Variants in GGACT observed in about 807,000 individuals in gnomAD.
GGACT encodes the protein gamma-glutamylamine cyclotransferase, also known as gamma-glutamylaminecyclotransferase.
For missense variants in GGACT, 241 were observed against 233.2 expected (o/e 1.03, Z -0.22); for synonymous variants, 118 against 115.3 (o/e 1.02, Z -0.15).
At chr13:100,580,614 A>C (rs1049571924) in intron 2 of GGACT, among the ~76,000 whole-genome samples, 2 of 152,242 alleles carry the variant, frequency 1.3e-5, no homozygotes, top group African/African-American at 4.8e-5. Flanking sequence ...AAATGAACAC[A>C]GTTACTAAGT....
At chr13:100,540,437 T>A (rs955901215) in intron 2 of GGACT, among the ~76,000 whole-genome samples, 2 of 152,234 alleles carry the variant, frequency 1.3e-5, no homozygotes, top group Admixed American at 6.5e-5. Flanking sequence ...CTTGGCCTTT[T>A]TATTTCTGCA....
intron 2 of GGACT, among the ~76,000 whole-genome samples, chr13:100,568,513 C>T (rs1448695369): frequency 6.6e-6 from 1 of 152,182 alleles, no homozygotes; most frequent in Non-Finnish European, 1.5e-5. Flanking sequence ...GAGAAACCAT[C>T]CCCCATGATT....
chr13:100,564,828 C>T lies in GGACT; in HGVS notation c.-11+18997G>A, dbSNP rs565818413. Among the ~76,000 whole-genome samples the T allele has an allele frequency of 6.0e-5, 9 of 150,840 alleles. No homozygotes were observed. The South Asian group carries it at 1.1e-3, about 18-fold the overall frequency. On this transcript the variant is annotated intron_variant, in intron 2 of 2. Transcript: ENST00000683975. ...AGTGCTCTATGCCCCGGGCAGGGGG[C>T]GGGGGGGCTGGGCCTGAACCCAGCA... is the stretch of plus-strand genomic sequence containing the variant.
At chr13:100,568,519 T>A (rs940633845) in intron 2 of GGACT, among the ~76,000 whole-genome samples, 2 of 152,200 alleles carry the variant, frequency 1.3e-5, no homozygotes, top group African/African-American at 4.8e-5. Flanking sequence ...CCATCCCCCA[T>A]GATTCAATTA....
intron 2 of GGACT, among the ~76,000 whole-genome samples, chr13:100,573,708 A>C (rs939624960): frequency 2.6e-5 from 4 of 152,154 alleles, no homozygotes; most frequent in Non-Finnish European, 4.4e-5. Context: ...CAAGCAAAAA[A>C]CAAATAAACC....
intron 2 of GGACT, among the ~76,000 whole-genome samples, chr13:100,552,462 G>A (rs2088673557): frequency 1.3e-5 from 2 of 152,316 alleles, no homozygotes; most frequent in African/African-American, 4.8e-5. Context: ...AGAAGAGACT[G>A]AAGCTCTAGC....
At chr13:100,540,907 G>T (rs2088547176) in intron 2 of GGACT, among the ~76,000 whole-genome samples, 1 of 152,366 alleles carries the variant, frequency 6.6e-6, no homozygotes, top group South Asian at 2.1e-4. Flanking sequence ...GCTGGGAGGG[G>T]TGACACTGCC....
intron 1 of GGACT, among the ~76,000 whole-genome samples, chr13:100,586,291 T>C (rs1297721555): frequency 1.3e-5 from 2 of 151,926 alleles, no homozygotes; most frequent in African/African-American, 2.4e-5. Flanking sequence ...AAAAAAAAGA[T>C]GAAGTGGATA....
intron 2 of GGACT, among the ~76,000 whole-genome samples, chr13:100,540,837 A>G (rs981388740): frequency 6.6e-6 from 1 of 152,194 alleles, no homozygotes; most frequent in African/African-American, 2.4e-5. Flanking sequence ...TGTGCCTGTG[A>G]TTCATTCTGG....
chr13:100,548,057 C>T (rs910596409), intron 2 of GGACT, among the ~76,000 whole-genome samples: 1 of 152,226 alleles, frequency 6.6e-6, no homozygotes, highest in African/African-American at 2.4e-5. Flanking sequence ...TGTCCCAGCC[C>T]GCTCTCCACT....
At chr13:100,543,290 C>G (rs2088572298) in intron 2 of GGACT, among the ~76,000 whole-genome samples, 1 of 143,382 alleles carries the variant, frequency 7.0e-6, no homozygotes, top group Admixed American at 7.2e-5. Context: ...TCACTGCAAC[C>G]TCCGCCTCCC....
At chr13:100,537,886 A>G (rs1442264269) in intron 2 of GGACT, 1 of 152,322 alleles carries the variant, frequency 6.6e-6, no homozygotes, top group African/African-American at 2.4e-5. Context: ...CGGGGATTCA[A>G]CTGCAAAGGA....
intron 2 of GGACT, among the ~76,000 whole-genome samples, chr13:100,570,091 C>T (rs1875036244): frequency 1.3e-5 from 2 of 152,216 alleles, no homozygotes; most frequent in Non-Finnish European, 2.9e-5. Context: ...AAGTTCCAAA[C>T]TTTCCCACAT....
chr13:100,560,168 C>T (rs189069298), intron 2 of GGACT, among the ~76,000 whole-genome samples: 7 of 152,078 alleles, frequency 4.6e-5, no homozygotes, highest in East Asian at 1.9e-4. Flanking sequence ...ATCTTGAATG[C>T]GGTCGTGATT....
intron 2 of GGACT, among the ~76,000 whole-genome samples, chr13:100,542,294 T>TG (rs1386341544): frequency 6.6e-6 from 1 of 152,206 alleles, no homozygotes; most frequent in Non-Finnish European, 1.5e-5. Context: ...AGGGTTTGTT[T>TG]CATGGGACAA....
In GGACT at chr13:100,532,330, A is replaced by T; in HGVS notation, c.262T>A (p.Tyr88Asn). The T allele has an allele frequency of 6.5e-7, 1 of 1,550,308 alleles. No homozygotes were observed. The highest frequency in any genetic ancestry group is 8.7e-7 in the Non-Finnish European group (1 of 1,146,480). The change falls in exon 3 of 3, where the codon TAC (tyrosine) becomes AAC (asparagine). Residue 88 changes from tyrosine (Y) to asparagine (N), a missense_variant. Coordinates refer to ENST00000683975, the MANE Select transcript of GGACT (RefSeq NM_001195087.2). ...TGTACCCGCAGCACCGTGCGCTGGT[A>T]CAGGGCCGGGCAACTCTCGAAGTCA... is the stretch of plus-strand genomic sequence containing the variant. ...LDDFESCPALYQRTVLRVQLL... is the reference protein window; with the variant it reads ...LDDFESCPALNQRTVLRVQLL...
chr13:100,563,960 G>A (rs1233134020), intron 2 of GGACT, among the ~76,000 whole-genome samples: 5 of 152,276 alleles, frequency 3.3e-5, no homozygotes, highest in Admixed American at 6.5e-5. Flanking sequence ...TGGGCTACTG[G>A]GAACCAAAAG....
chr13:100,542,730 G>A (rs1253952248), intron 2 of GGACT, among the ~76,000 whole-genome samples: 3 of 152,176 alleles, frequency 2.0e-5, no homozygotes, highest in African/African-American at 4.8e-5. Flanking sequence ...GCATCCAGGG[G>A]ACAGCATGGA....
chr13:100,578,456 G>T (rs993210596), intron 2 of GGACT, among the ~76,000 whole-genome samples: 8 of 152,190 alleles, frequency 5.3e-5, no homozygotes, highest in African/African-American at 1.9e-4. Flanking sequence ...CCGAGCTTCT[G>T]GCAAGCTCCC....
Sources: allele counts gnomAD v4.1 joint callset (sites outside exome capture counted in the v4.1 genomes callset), GRCh38; gene constraint gnomAD v4.1.1; transcripts MANE v1.5; gene names NCBI Gene and HGNC (gene_info 2026-07-23, HGNC 2026-07-21).